The following FAF1 variants were observed in gnomAD, a reference collection of about 807,000 sequenced individuals.
The protein encoded by FAF1 is FAS-associated factor 1.
FAF1 carries 25 observed loss-of-function variants against 92.5 expected under a neutral mutation model. The observed-to-expected ratio is 0.27, with a 90% CI of 0.20 to 0.38. The LOEUF (loss-of-function observed/expected upper bound fraction) is 0.38, where lower values mean the gene tolerates loss of function less well. Ranked by LOEUF, FAF1 falls within the 10% of genes least tolerant of loss-of-function variation. The pLI is 1.00. For missense variants in FAF1, 636 were observed against 793.3 expected, an observed-to-expected ratio of 0.80 and a Z score of 2.38; for synonymous variants, 234 against 273.2, an observed-to-expected ratio of 0.86 and a Z score of 1.42.
At chr1:50,607,220 A>T (rs918984219) in intron 8 of FAF1, among the ~76,000 whole-genome samples, 7 of 152,110 alleles carry the variant, frequency 4.6e-5, no homozygotes, top group Admixed American at 2.6e-4. Flanking sequence ...CCTTTCTGCC[A>T]TAAGTCAGCC....
At chr1:50,836,889 A>G (rs1024823215) in intron 2 of FAF1, among the ~76,000 whole-genome samples, 1 of 151,820 alleles carries the variant, frequency 6.6e-6, no homozygotes, top group Non-Finnish European at 1.5e-5. Context: ...CAACTACAAA[A>G]TAGTACATAT....
chr1:50,900,675 A>G (rs1435778956), intron 1 of FAF1, among the ~76,000 whole-genome samples: 3 of 152,230 alleles, frequency 2.0e-5, no homozygotes, highest in Non-Finnish European at 4.4e-5. Flanking sequence ...CTCACAGCAC[A>G]TGCTCAGTAA....
intron 2 of FAF1, among the ~76,000 whole-genome samples, chr1:50,822,042 G>C (rs1346894850): frequency 6.6e-6 from 1 of 151,464 alleles, no homozygotes; most frequent in Non-Finnish European, 1.5e-5. Flanking sequence ...TATTAACCCT[G>C]CTGTATATTT....
intron 18 of FAF1, among the ~76,000 whole-genome samples, chr1:50,449,811 T>A (rs1404363114): frequency 6.6e-6 from 1 of 152,062 alleles, no homozygotes; most frequent in African/African-American, 2.4e-5. Context: ...TGGTATGCTA[T>A]GAGTAATCTA....
intron 2 of FAF1, among the ~76,000 whole-genome samples, chr1:50,840,427 A>G (rs973720698): frequency 1.3e-5 from 2 of 151,988 alleles, no homozygotes; most frequent in African/African-American, 4.8e-5. Context: ...TCCAAATATA[A>G]TGCACAAAAG....
chr1:50,866,413 GATGAT>G (rs1557565693), intron 1 of FAF1, among the ~76,000 whole-genome samples: 1 of 151,960 alleles, frequency 6.6e-6, no homozygotes, highest in African/African-American at 2.4e-5. Flanking sequence ...GATGTTTGCC[GATGAT>G]ATAATTGTAT....
intron 18 of FAF1, among the ~76,000 whole-genome samples, chr1:50,460,828 G>A (rs1046700459): frequency 3.3e-5 from 5 of 151,938 alleles, no homozygotes; most frequent in African/African-American, 9.7e-5. Context: ...GTGTGTGTGT[G>A]TGTGTGCAGA....
At chr1:50,783,154 T>C (rs1459018004) in intron 4 of FAF1, among the ~76,000 whole-genome samples, 2 of 152,182 alleles carry the variant, frequency 1.3e-5, no homozygotes, top group East Asian at 1.9e-4. Context: ...CTACCAAGAC[T>C]GAATCGTGAA....
chr1:50,711,191 A>T (rs1657910909), intron 6 of FAF1, among the ~76,000 whole-genome samples: 1 of 152,104 alleles, frequency 6.6e-6, no homozygotes, highest in African/African-American at 2.4e-5. Context: ...TACAGGCATG[A>T]GCCACCGCAC....
intron 7 of FAF1, among the ~76,000 whole-genome samples, chr1:50,664,789 G>A (rs1266628115): frequency 7.4e-6 from 1 of 135,876 alleles, no homozygotes; most frequent in Non-Finnish European, 1.5e-5. Flanking sequence ...GCGAGACTCC[G>A]TCTCAAATAA....
intron 1 of FAF1, among the ~76,000 whole-genome samples, chr1:50,914,222 T>C (rs1211532520): frequency 6.6e-6 from 1 of 152,220 alleles, no homozygotes; most frequent in African/African-American, 2.4e-5. Flanking sequence ...AGCTATGATT[T>C]AATTTTAGCA....
chr1:50,674,847 CT>C (rs1276789334), intron 7 of FAF1, among the ~76,000 whole-genome samples: 13 of 149,594 alleles, frequency 8.7e-5, no homozygotes, highest in African/African-American at 3.3e-4. Flanking sequence ...TGCTAAACCC[CT>C]GTCACCTTGT....
At chr1:50,793,195 A>G (rs376806260) in intron 3 of FAF1, among the ~76,000 whole-genome samples, 1 of 152,186 alleles carries the variant, frequency 6.6e-6, no homozygotes, top group Non-Finnish European at 1.5e-5. Flanking sequence ...GTTCACAGAC[A>G]TAAAGCCCCT....
chr1:50,768,290 A>G (rs1660652756), intron 4 of FAF1, among the ~76,000 whole-genome samples: 1 of 151,724 alleles, frequency 6.6e-6, no homozygotes, highest in Admixed American at 6.6e-5. Context: ...ACCCGGATTC[A>G]TATAGCAAGT....
At chr1:50,904,754 T>C (rs866468184) in intron 1 of FAF1, among the ~76,000 whole-genome samples, 1 of 152,178 alleles carries the variant, frequency 6.6e-6, no homozygotes, top group Non-Finnish European at 1.5e-5. Flanking sequence ...CACTTTTCCG[T>C]ATTTTGAGCA....
intron 17 of FAF1, among the ~76,000 whole-genome samples, chr1:50,484,464 AT>A (rs1427702237): frequency 2.6e-5 from 4 of 152,178 alleles, no homozygotes; most frequent in Admixed American, 2.6e-4. Context: ...TATAGTCTCC[AT>A]AATTATAATA....
chr1:50,722,862 G>A (rs1469881832), intron 6 of FAF1, among the ~76,000 whole-genome samples: 2 of 152,098 alleles, frequency 1.3e-5, no homozygotes, highest in South Asian at 2.1e-4. Flanking sequence ...GGCGTAAATC[G>A]ACCATTTTAC....
intron 7 of FAF1, among the ~76,000 whole-genome samples, chr1:50,694,754 T>G (rs1657110578): frequency 7.1e-6 from 1 of 139,986 alleles, no homozygotes; most frequent in African/African-American, 2.7e-5. Flanking sequence ...GAGACTAGCC[T>G]GGCCAACATG....
rs1401688051 is a variant in FAF1 at position 50,515,743 on chromosome 1, C to T, written c.1494+19626G>A. On this transcript the variant is annotated intron_variant, in intron 15 of 18. Transcript: ENST00000396153. ...AGCTTTATAGCAGAACATAGACATA[C>T]CTTCAAAAAAATGTGCCCTAATGCA... 2.0e-5 allele frequency among the ~76,000 whole-genome samples: 3 copies of T among 152,144 alleles called. 1 individual carries two copies. Among genetic ancestry groups the T allele is most frequent in the Admixed American group, 2.0e-4 (3 of 15,292 alleles).
Sources: gnomAD v4.1 joint callset for allele counts (sites outside exome capture counted in the v4.1 genomes callset) on GRCh38, gnomAD v4.1.1 for gene constraint, MANE v1.5 for transcripts, NCBI Gene and HGNC (gene_info 2026-07-23, HGNC 2026-07-21) for gene names.